The following DSCAM variants were observed in gnomAD, a reference collection of about 807,000 sequenced individuals.
DSCAM encodes DS cell adhesion molecule.
DSCAM carries 47 observed loss-of-function variants against 217.7 expected under a neutral mutation model. That is an observed-to-expected ratio of 0.22 (90% CI 0.17 to 0.28). The LOEUF is 0.28. Among genes scored for constraint, DSCAM ranks in the 10% least tolerant of loss-of-function variants. DSCAM has a pLI of 1.00. For missense variants in DSCAM, 2,080 were observed against 2,618.3 expected (o/e 0.79, Z 4.49); for synonymous variants, 1,056 against 1,015.3 (o/e 1.04, Z -0.76).
At chr21:40,614,267 G>C (rs1361677450) in intron 3 of DSCAM, among the ~76,000 whole-genome samples, 1 of 152,134 alleles carries the variant, frequency 6.6e-6, no homozygotes, top group Non-Finnish European at 1.5e-5. Flanking sequence ...TTTTTGTTTT[G>C]TTTTCCTTTT....
intron 1 of DSCAM, among the ~76,000 whole-genome samples, chr21:40,720,840 C>T (rs1368713455): frequency 6.6e-6 from 1 of 152,112 alleles, no homozygotes; most frequent in Admixed American, 6.5e-5. Flanking sequence ...ACTAAGGCTG[C>T]TAGAATTTAC....
intron 3 of DSCAM, among the ~76,000 whole-genome samples, chr21:40,534,653 T>C (rs188238426): frequency 4.9e-4 from 75 of 152,344 alleles, no homozygotes; most frequent in African/African-American, 1.7e-3. Context: ...TTGAAAAACA[T>C]TCTTTACATT....
In DSCAM at chr21:40,083,921, G is replaced by C. The variant is rs143294727; in HGVS notation, c.4218C>G (p.Gly1406=). 7 of 1,613,170 alleles carry C rather than the reference G, an allele frequency of 4.3e-6. No homozygotes were observed. The African/African-American group carries it at 9.3e-5, about 22-fold the overall frequency. ...ATATCTTATTACCTCTGATAGAGCT[G>C]CCCCCGTTGTCTCCAGGGAGCCAAG... ...TLSWLPGDNG[G]SSIRGYILQY... Residue 1406 remains glycine (G), a synonymous_variant, in exon 24 of 33, where the codon GGC becomes GGG. Coordinates refer to ENST00000400454, the MANE Select transcript of DSCAM (RefSeq NM_001389.5).
At chr21:40,807,069 T>C (rs528090850) in intron 1 of DSCAM, among the ~76,000 whole-genome samples, 14 of 152,176 alleles carry the variant, frequency 9.2e-5, no homozygotes, top group African/African-American at 3.1e-4. Context: ...GTAACAAATC[T>C]GCACGTTCTG....
chr21:40,639,993 C>T (rs545093678), intron 3 of DSCAM, among the ~76,000 whole-genome samples: 98 of 152,302 alleles, frequency 6.4e-4, no homozygotes, highest in Non-Finnish European at 1.1e-3. Flanking sequence ...GCTAATAGTG[C>T]TGCCTGTGTG....
intron 3 of DSCAM, among the ~76,000 whole-genome samples, chr21:40,487,055 G>A (rs1478305775): frequency 6.6e-6 from 1 of 152,118 alleles, no homozygotes; most frequent in African/African-American, 2.4e-5. Context: ...CAGACTCAGA[G>A]AATAAGACCA....
chr21:40,217,161 A>G (rs1292109010), intron 11 of DSCAM, among the ~76,000 whole-genome samples: 3 of 152,216 alleles, frequency 2.0e-5, no homozygotes, highest in African/African-American at 2.4e-5. Flanking sequence ...GACTATGTAT[A>G]TATCTTATTA....
chr21:40,550,447 C>T lies in DSCAM; in HGVS notation c.508+142363G>A, dbSNP rs2076620571. ...GGCTGAGGCAGGAGAATCACTGGAA[C>T]CTGGGAGGCAGGGGCTGCAGTGAGC... is the stretch of plus-strand genomic sequence containing the variant. On this transcript the variant is annotated intron_variant, in intron 3 of 32. Transcript: ENST00000400454. 4.6e-5 allele frequency among the ~76,000 whole-genome samples: 7 copies of T among 152,162 alleles called. No individual in the cohort carries two copies. The South Asian group carries it at 1.4e-3, about 31-fold the overall frequency.
chr21:40,547,326 GT>G (rs888984572), intron 3 of DSCAM, among the ~76,000 whole-genome samples: 2 of 152,098 alleles, frequency 1.3e-5, no homozygotes, highest in African/African-American at 4.8e-5. Flanking sequence ...ACACAAAATG[GT>G]GGCTTATAAT....
In DSCAM at chr21:40,449,200, T is replaced by C. The variant is rs544287110; in HGVS notation, c.509-79955A>G. Among the ~76,000 whole-genome samples, 7 of 152,286 alleles carry C rather than the reference T, an allele frequency of 4.6e-5. 1 individual carries two copies. The South Asian group carries it at 1.0e-3, about 23-fold the overall frequency. On this transcript the variant is annotated intron_variant, in intron 3 of 32. Coordinates refer to ENST00000400454, the MANE Select transcript of DSCAM (RefSeq NM_001389.5). Reference sequence around the variant, plus strand: ...GATTAGTTTGGGCCCACCTGGATAATAGAGGATAAACTCTCTACCTCAAGG... The same window carrying C: ...GATTAGTTTGGGCCCACCTGGATAACAGAGGATAAACTCTCTACCTCAAGG...
chr21:40,358,779 G>A (rs891368406), intron 4 of DSCAM, among the ~76,000 whole-genome samples: 1 of 144,628 alleles, frequency 6.9e-6, no homozygotes, highest in Non-Finnish European at 1.5e-5. Flanking sequence ...TCCAGCCTGG[G>A]CAACAAAGCA....
intron 11 of DSCAM, among the ~76,000 whole-genome samples, chr21:40,200,241 C>T (rs1292243324): frequency 6.6e-6 from 1 of 152,120 alleles, no homozygotes; most frequent in Non-Finnish European, 1.5e-5. Context: ...TACAATTCAT[C>T]CCCCAAACTT....
At chr21:40,310,739 A>G (rs535767242) in intron 9 of DSCAM, among the ~76,000 whole-genome samples, 2 of 152,294 alleles carry the variant, frequency 1.3e-5, no homozygotes, top group South Asian at 2.1e-4. Flanking sequence ...TCACAAACCC[A>G]AGAGTTAACT....
chr21:40,407,505 G>T (rs2075289065), intron 3 of DSCAM, among the ~76,000 whole-genome samples: 1 of 152,186 alleles, frequency 6.6e-6, no homozygotes. Flanking sequence ...TGACCCTTTG[G>T]AGGTCTTTCA....
At chr21:40,555,691 A>C (rs2076665970) in intron 3 of DSCAM, among the ~76,000 whole-genome samples, 2 of 152,202 alleles carry the variant, frequency 1.3e-5, no homozygotes, top group Admixed American at 1.3e-4. Flanking sequence ...GGAGTTCATT[A>C]GTGCAATCAT....
At chr21:40,525,020 A>AAAAAAAAAAAAAAAAAAAAAAAAAAAC in intron 3 of DSCAM, among the ~76,000 whole-genome samples, 1 of 151,626 alleles carries the variant, frequency 6.6e-6, no homozygotes, top group Non-Finnish European at 1.5e-5. Flanking sequence ...AAAAAAAAAA[A>AAAAAAAAAAAAAAAAAAAAAAAAAAAC]AAAAAAAAAA....
intron 3 of DSCAM, among the ~76,000 whole-genome samples, chr21:40,593,659 A>C (rs561445518): frequency 6.6e-6 from 1 of 152,302 alleles, no homozygotes; most frequent in Admixed American, 6.5e-5. Context: ...ATGTTTCAAT[A>C]TTATAAAACT....
intron 3 of DSCAM, among the ~76,000 whole-genome samples, chr21:40,645,185 G>A (rs1224449134): frequency 6.6e-6 from 1 of 151,988 alleles, no homozygotes; most frequent in African/African-American, 2.4e-5. Context: ...TCCTTCTGTG[G>A]TGGTTGTTTG....
At chr21:40,225,613 G>T (rs576404146) in intron 11 of DSCAM, among the ~76,000 whole-genome samples, 7 of 152,124 alleles carry the variant, frequency 4.6e-5, no homozygotes, top group African/African-American at 1.7e-4. Flanking sequence ...GGATTAAGAG[G>T]CCCCGCCATC....
Sources: allele counts gnomAD v4.1 joint callset (sites outside exome capture counted in the v4.1 genomes callset), GRCh38; gene constraint gnomAD v4.1.1; transcripts MANE v1.5; gene names NCBI Gene and HGNC (gene_info 2026-07-23, HGNC 2026-07-21).